Variants in MGAT4C observed in about 807,000 individuals in gnomAD.
MGAT4C encodes alpha-1,3-mannosyl-glycoprotein 4-beta-N-acetylglucosaminyltransferase C.
A neutral mutation model predicts 40.1 loss-of-function variants in MGAT4C; 19 were observed. That is an observed-to-expected ratio of 0.47 (90% CI 0.33 to 0.70). The LOEUF is 0.70. Ranked by LOEUF, MGAT4C falls within the 30% of genes least tolerant of loss-of-function variation. The pLI, the probability that MGAT4C is intolerant of heterozygous loss-of-function variation, is 0.02. For synonymous variants in MGAT4C, 181 were observed against 187.1 expected, an observed-to-expected ratio of 0.97 and a Z score of 0.27; for missense variants, 491 against 563.2, an observed-to-expected ratio of 0.87 and a Z score of 1.30.
At chr12:86,354,989 C>T (rs1955276004) in intron 3 of MGAT4C, among the ~76,000 whole-genome samples, 1 of 152,174 alleles carries the variant, frequency 6.6e-6, no homozygotes, top group African/African-American at 2.4e-5. Flanking sequence ...AGCTTTTATT[C>T]CCTTATTTGT....
At chr12:86,140,590 T>C (rs900738800) in intron 1 of MGAT4C, among the ~76,000 whole-genome samples, 2 of 152,066 alleles carry the variant, frequency 1.3e-5, no homozygotes, top group Admixed American at 6.6e-5. Flanking sequence ...CAAACCACCA[T>C]GGTACATGTA....
At chr12:86,082,999 C>G (rs1355369451) in intron 1 of MGAT4C, among the ~76,000 whole-genome samples, 1 of 152,020 alleles carries the variant, frequency 6.6e-6, no homozygotes, top group East Asian at 1.9e-4. Flanking sequence ...AAAGACAACT[C>G]AGTCTCAATC....
At chr12:86,831,088 C>T (rs781106456) in intron 1 of MGAT4C, among the ~76,000 whole-genome samples, 51 of 151,786 alleles carry the variant, frequency 3.4e-4, no homozygotes, top group Non-Finnish European at 6.3e-4. Context: ...CACCCCCTGC[C>T]GACCCCCATT....
At chr12:86,648,927 G>A (rs923518474) in intron 2 of MGAT4C, among the ~76,000 whole-genome samples, 35 of 151,350 alleles carry the variant, frequency 2.3e-4, no homozygotes, top group African/African-American at 8.0e-4. Context: ...TTTTTCCTAT[G>A]TATACTCTGA....
intron 1 of MGAT4C, among the ~76,000 whole-genome samples, chr12:86,812,340 T>G (rs1237927664): frequency 6.6e-6 from 1 of 152,154 alleles, no homozygotes; most frequent in Non-Finnish European, 1.5e-5. Flanking sequence ...GTTCAGATTT[T>G]CTATATCCTT....
At chr12:86,765,346 C>G (rs1401614137) in intron 1 of MGAT4C, among the ~76,000 whole-genome samples, 2 of 152,064 alleles carry the variant, frequency 1.3e-5, no homozygotes, top group South Asian at 4.1e-4. Context: ...AACAAAGCCT[C>G]CAAGAAATAT....
At chr12:86,014,449 C>G (rs571482644) in intron 2 of MGAT4C, among the ~76,000 whole-genome samples, 19 of 152,210 alleles carry the variant, frequency 1.2e-4, no homozygotes, top group African/African-American at 4.3e-4. Flanking sequence ...AACAATCCTG[C>G]CTTGCTGTGC....
chr12:86,559,115 T>G (rs571738715), intron 2 of MGAT4C, among the ~76,000 whole-genome samples: 1 of 151,960 alleles, frequency 6.6e-6, no homozygotes, highest in Non-Finnish European at 1.5e-5. Context: ...CATATAATAA[T>G]AATGGAATCA....
chr12:86,631,424 C>CA (rs1295909702), intron 2 of MGAT4C, among the ~76,000 whole-genome samples: 1 of 151,882 alleles, frequency 6.6e-6, no homozygotes, highest in African/African-American at 2.4e-5. Context: ...CATATGGAAC[C>CA]AAAAAAGAGC....
chr12:86,819,097 A>C (rs1376473410), intron 1 of MGAT4C, among the ~76,000 whole-genome samples: 4 of 151,066 alleles, frequency 2.6e-5, no homozygotes, highest in Non-Finnish European at 4.5e-5. Flanking sequence ...CTCTTTTCTA[A>C]GTAAATGAGG....
intron 2 of MGAT4C, among the ~76,000 whole-genome samples, chr12:86,478,268 G>C (rs887174123): frequency 3.3e-5 from 5 of 152,130 alleles, no homozygotes. Context: ...CATGACAATA[G>C]GGTGAAAGAA....
rs542305788 is a variant in MGAT4C, at chr12:86,703,798, T to G, written c.-229+23411A>C. On this transcript the variant is annotated intron_variant, in intron 2 of 7. Transcript: ENST00000548651. ...TCAAAGACAAACTTATTTCACATTT[T>G]TAATCACTTAGAGGTTTTGGTATAT... 2.3e-4 allele frequency among the ~76,000 whole-genome samples: 35 copies of G among 152,298 alleles called. 1 individual carries two copies. The South Asian group carries it at 7.2e-3, about 32-fold the overall frequency.
rs541695361 is a variant in MGAT4C, at chr12:86,172,192, C to A, written c.-57+84047G>T. On this transcript the variant is annotated intron_variant, in intron 1 of 4. Coordinates refer to ENST00000611864, the MANE Select transcript of MGAT4C (RefSeq NM_001351288.2). ...CACTTAGTAATATATATCTCAGCTA[C>A]TATTATCATGGACATAATAATTATT... 2.6e-5 allele frequency among the ~76,000 whole-genome samples: 4 copies of A among 152,218 alleles called. No homozygotes were observed. In the East Asian group the frequency reaches 7.7e-4, roughly 29 times the overall value.
At chr12:86,280,313 C>T (rs936960096) in intron 4 of MGAT4C, among the ~76,000 whole-genome samples, 9 of 151,836 alleles carry the variant, frequency 5.9e-5, no homozygotes, top group South Asian at 2.1e-4. Context: ...CATATATCTA[C>T]GTTCTCCAGT....
At chr12:86,472,959 G>A (rs985723775) in intron 2 of MGAT4C, among the ~76,000 whole-genome samples, 19 of 152,042 alleles carry the variant, frequency 1.2e-4, no homozygotes, top group East Asian at 5.8e-4. Context: ...ATTTATTTAC[G>A]TATTTATTTA....
chr12:86,749,150 C>T (rs992792076), intron 1 of MGAT4C, among the ~76,000 whole-genome samples: 2 of 151,526 alleles, frequency 1.3e-5, no homozygotes, highest in Non-Finnish European at 3.0e-5. Flanking sequence ...TAAGAGTAAT[C>T]AGACATAATT....
At chr12:86,226,098 T>C (rs1951063208) in intron 1 of MGAT4C, among the ~76,000 whole-genome samples, 1 of 151,200 alleles carries the variant, frequency 6.6e-6, no homozygotes, top group African/African-American at 2.4e-5. Flanking sequence ...CCATAGCTAC[T>C]GGACATGTCA....
At chr12:86,738,626 C>T (rs924927408) in intron 1 of MGAT4C, among the ~76,000 whole-genome samples, 5 of 151,316 alleles carry the variant, frequency 3.3e-5, no homozygotes, top group East Asian at 1.9e-4. Context: ...ACGAGGAGTG[C>T]GTTACATATT....
rs1951533372 is a variant in MGAT4C, at chr12:86,767,432, G to C, written c.-261-40191C>G. 2.0e-5 allele frequency among the ~76,000 whole-genome samples: 3 copies of C among 152,160 alleles called. No homozygotes were observed. In the South Asian group the frequency reaches 6.2e-4, roughly 32 times the overall value. ...GGATTCACAGCTGAATTCTACCAGA[G>C]AGGTACAAGGAGGAACTGGCACCAT... On this transcript the variant is annotated intron_variant, in intron 1 of 7. Coordinates refer to the MGAT4C transcript ENST00000548651.
Sources: allele counts gnomAD v4.1 joint callset (sites outside exome capture counted in the v4.1 genomes callset), GRCh38; gene constraint gnomAD v4.1.1; transcripts MANE v1.5; gene names NCBI Gene and HGNC (gene_info 2026-07-23, HGNC 2026-07-21).